The following SEPTIN7 variants were observed in gnomAD, a reference collection of about 807,000 sequenced individuals.
The protein encoded by SEPTIN7 is septin-7.
In SEPTIN7, 10 loss-of-function variants were observed where a neutral mutation model predicts 63.3. The ratio of observed to expected loss-of-function variants is 0.16; its 90% CI spans 0.10 to 0.27. The LOEUF (loss-of-function observed/expected upper bound fraction) is 0.27. SEPTIN7 is among the 10% of genes least tolerant of loss of function. SEPTIN7 has a pLI of 1.00. For missense variants in SEPTIN7, 310 were observed against 521.0 expected (o/e 0.59, Z 3.94); for synonymous variants, 131 against 165.3 (o/e 0.79, Z 1.59).
chr7:35,846,945 T>C (rs1233330248), intron 3 of SEPTIN7: 2 of 152,338 alleles, frequency 1.3e-5, no homozygotes, highest in East Asian at 3.9e-4. Context: ...GATACCAAAT[T>C]TGACATTTAA....
chr7:35,801,168 G>C lies in SEPTIN7; in HGVS notation c.-42G>C, dbSNP rs549923829. 7.5e-6 allele frequency: 11 copies of C among 1,457,526 alleles called. No homozygotes were observed. The South Asian group carries it at 9.3e-5, about 12-fold the overall frequency. The allele number at this position is 1,457,526 out of a possible 1,614,324, so 90.3% of individuals were successfully genotyped here. A position where few individuals can be genotyped will look rare whatever the true frequency, so the allele number is the denominator to read the frequency against. On this transcript the variant is annotated 5_prime_UTR_variant, in exon 1 of 14. Transcript: ENST00000350320. ...GCGTAGGCGCCTTTGGAGAATCGGCGGGCTGCGCTCCGCTGGGGCTGGTCG... is the reference window on the plus strand; with the variant it reads ...GCGTAGGCGCCTTTGGAGAATCGGCCGGCTGCGCTCCGCTGGGGCTGGTCG...
intron 3 of SEPTIN7, among the ~76,000 whole-genome samples, chr7:35,845,842 A>G (rs569729955): frequency 6.6e-6 from 1 of 152,296 alleles, no homozygotes; most frequent in South Asian, 2.1e-4. Flanking sequence ...TAAACTTTAA[A>G]AAAAGTTTTA....
At chr7:35,883,268 T>TA (rs1281158273) in intron 8 of SEPTIN7, among the ~76,000 whole-genome samples, 2 of 152,108 alleles carry the variant, frequency 1.3e-5, no homozygotes, top group Admixed American at 1.3e-4. Flanking sequence ...ACTTTGGCCC[T>TA]AAAAATGGTA....
chr7:35,826,666 C>T (rs954224305), intron 1 of SEPTIN7, among the ~76,000 whole-genome samples: 3 of 151,916 alleles, frequency 2.0e-5, no homozygotes, highest in African/African-American at 7.2e-5. Flanking sequence ...TTGTTTTTCT[C>T]AAATTCTGAT....
At chr7:35,904,189 A>G (rs1398136522) in intron 13 of SEPTIN7, 65 bp from the exon 14 acceptor site, 8 of 1,236,526 alleles carry the variant, frequency 6.5e-6, no homozygotes, top group African/African-American at 1.5e-5. Context: ...AGCTGTTGTT[A>G]TCATGTTGTC....
intron 1 of SEPTIN7, among the ~76,000 whole-genome samples, chr7:35,822,696 A>T (rs1236277901): frequency 6.6e-6 from 1 of 152,116 alleles, no homozygotes; most frequent in African/African-American, 2.4e-5. Flanking sequence ...GGACCCCTCT[A>T]CTGGGATATT....
At chr7:35,887,574 T>C (rs1465775864) in intron 10 of SEPTIN7, among the ~76,000 whole-genome samples, 1 of 152,224 alleles carries the variant, frequency 6.6e-6, no homozygotes, top group Non-Finnish European at 1.5e-5. Context: ...CTCAAACTCC[T>C]GACCTCAAGT....
At position 35,801,386 on chromosome 7, in the gene SEPTIN7, A is replaced by C; in HGVS notation, c.61+116A>C. 2.3e-6 allele frequency: 3 copies of C among 1,318,354 alleles called. No homozygotes were observed. The South Asian group carries it at 4.5e-5, about 20-fold the overall frequency. 81.7% of individuals were successfully genotyped at this position (1,318,354 alleles called of 1,614,324 possible). On this transcript the variant is annotated intron_variant, in intron 1 of 13. Transcript: ENST00000350320. ...CTGAGGCGAGGCGGAGGCAGCGGCG[A>C]GGGGAGCCGGGATGGGGGCCACTGC... is the stretch of plus-strand genomic sequence containing the variant.
At position 35,832,097 on chromosome 7, in the gene SEPTIN7, A is replaced by G. The variant is rs757743336; in HGVS notation, c.66+601A>G. 248 of 454,086 alleles carry G rather than the reference A, an allele frequency of 5.5e-4. 3 individuals are homozygous for G. Among genetic ancestry groups the G allele is most frequent in the Non-Finnish European group, 5.6e-4 (126 of 226,012 alleles). The allele number at this position is 454,086 out of a possible 1,614,324, so 28.1% of individuals were successfully genotyped here. ...GGAAGTAGATTTCTTTCAGTTACTC[A>G]CGAAACTATTGTTGAGGTCATCTAG... is the stretch of plus-strand genomic sequence containing the variant. On this transcript the variant is annotated intron_variant, in intron 2 of 13. Coordinates refer to ENST00000350320, the MANE Select transcript of SEPTIN7 (RefSeq NM_001788.6).
chr7:35,873,740 G>A lies in SEPTIN7; in HGVS notation c.477G>A (p.Gln159=), dbSNP rs766937166. The A allele has an allele frequency of 2.5e-5, 41 of 1,610,608 alleles. No individual in the cohort carries two copies. The highest frequency in any genetic ancestry group is 4.0e-5 in the African/African-American group (3 of 74,836). Residue 159 remains glutamine (Q), a synonymous_variant, in exon 6 of 14, where the codon CAG becomes CAA. Transcript: ENST00000350320. ...GTCAGATGCCTGATAACAGGGTGCA[G>A]TGTTGTTTATACTTCATTGCTCCTT... ...NRRQMPDNRV[Q]CCLYFIAPSG... is the part of the protein sequence containing the mutation.
intron 3 of SEPTIN7, among the ~76,000 whole-genome samples, chr7:35,856,287 C>G (rs770890857): frequency 1.3e-5 from 2 of 152,220 alleles, no homozygotes; most frequent in African/African-American, 4.8e-5. Context: ...ACATTGGTCT[C>G]TGTCTTTTCA....
At chr7:35,887,365 G>T (rs369298762) in intron 10 of SEPTIN7, among the ~76,000 whole-genome samples, 1 of 152,176 alleles carries the variant, frequency 6.6e-6, no homozygotes, top group East Asian at 1.9e-4. Context: ...AGGCTACTTT[G>T]TTGAGATGGA....
chr7:35,873,824 GT>G, intron 6 of SEPTIN7, 49 bp downstream of exon 6: 1 of 1,569,252 alleles, frequency 6.4e-7, no homozygotes, highest in Non-Finnish European at 8.7e-7. Context: ...GTTGCTTACT[GT>G]TACCTTTATG....
chr7:35,802,455 C>G lies in SEPTIN7; in HGVS notation c.61+1185C>G, dbSNP rs141920024. On this transcript the variant is annotated intron_variant, in intron 1 of 13. Coordinates refer to ENST00000350320, the MANE Select transcript of SEPTIN7 (RefSeq NM_001788.6). ...TTCTTGAGTTTATTGCTAAATAGTTCAGCTTTAAGAATTCTTTCTTCTGGC... is the reference window on the plus strand; with the variant it reads ...TTCTTGAGTTTATTGCTAAATAGTTGAGCTTTAAGAATTCTTTCTTCTGGC... Among the ~76,000 whole-genome samples the G allele has an allele frequency of 2.2e-4, 34 of 152,300 alleles. 1 individual carries two copies. In the East Asian group the frequency reaches 6.4e-3, roughly 28 times the overall value.
At chr7:35,886,575 A>T (rs1583626012) in intron 10 of SEPTIN7, among the ~76,000 whole-genome samples, 1 of 152,298 alleles carries the variant, frequency 6.6e-6, no homozygotes, top group South Asian at 2.1e-4. Context: ...TCATGTTGAG[A>T]CACATTCATT....
intron 6 of SEPTIN7, among the ~76,000 whole-genome samples, chr7:35,874,521 C>G (rs548180031): frequency 6.6e-6 from 1 of 152,084 alleles, no homozygotes; most frequent in Non-Finnish European, 1.5e-5. Context: ...AATTCAGCCA[C>G]CTGATGATTA....
At chr7:35,828,394 G>C (rs1783627216) in intron 1 of SEPTIN7, among the ~76,000 whole-genome samples, 1 of 151,852 alleles carries the variant, frequency 6.6e-6, no homozygotes, top group Non-Finnish European at 1.5e-5. Flanking sequence ...TTTTTTTTGA[G>C]ACTGGAGTTT....
intron 3 of SEPTIN7, among the ~76,000 whole-genome samples, chr7:35,854,120 C>G (rs1785086053): frequency 6.6e-6 from 1 of 152,114 alleles, no homozygotes; most frequent in Non-Finnish European, 1.5e-5. Flanking sequence ...GGATGCTGAA[C>G]TGATGAGCAA....
intron 6 of SEPTIN7, among the ~76,000 whole-genome samples, chr7:35,877,029 A>G (rs1464950007): frequency 2.0e-5 from 3 of 152,028 alleles, no homozygotes; most frequent in Admixed American, 1.3e-4. Context: ...CCAGGAGTCA[A>G]AGTGGAAGAA....
Sources: allele counts gnomAD v4.1 joint callset (sites outside exome capture counted in the v4.1 genomes callset), GRCh38; gene constraint gnomAD v4.1.1; transcripts MANE v1.5; gene names NCBI Gene and HGNC (gene_info 2026-07-23, HGNC 2026-07-21).